The following ABCA6 variants were observed in gnomAD, a reference collection of about 807,000 sequenced individuals.
The protein encoded by ABCA6 is ATP binding cassette subfamily A member 6, also known as ATP-binding cassette sub-family A member 6.
A neutral mutation model predicts 191.2 loss-of-function variants in ABCA6; 164 were observed. The ratio of observed to expected loss-of-function variants is 0.86; its 90% CI spans 0.76 to 0.98. ABCA6 has a LOEUF of 0.98. Ranked by LOEUF, ABCA6 falls within the 50% of genes least tolerant of loss-of-function variation. The pLI is 0.00. For missense variants in ABCA6, 1,958 were observed against 1,894.1 expected, an observed-to-expected ratio of 1.03 and a Z score of -0.63; for synonymous variants, 636 against 647.7, an observed-to-expected ratio of 0.98 and a Z score of 0.27.
rs1020329545 is a variant in ABCA6 at position 69,110,485 on chromosome 17, C to A, written c.2272+316G>T. The A allele has an allele frequency of 1.2e-5, 3 of 246,444 alleles. No homozygotes were observed. In the South Asian group the frequency reaches 1.7e-4, roughly 14 times the overall value. 15.3% of individuals were successfully genotyped at this position (246,444 alleles called of 1,614,324 possible). A position where few individuals can be genotyped will look rare whatever the true frequency, so the allele number is the denominator to read the frequency against. ...CTTACTCACCCCTCTGGTGACAAAA[C>A]GCTGAGCCCACTTACTTCATTTATT... On this transcript the variant is annotated intron_variant, in intron 17 of 38. Coordinates refer to ENST00000284425, the MANE Select transcript of ABCA6 (RefSeq NM_080284.3).
At chr17:69,090,534 G>C (rs2072900794) in intron 26 of ABCA6, among the ~76,000 whole-genome samples, 1 of 152,170 alleles carries the variant, frequency 6.6e-6, no homozygotes, top group South Asian at 2.1e-4. Flanking sequence ...GCTGTGCCTT[G>C]TGTGTCCTCC....
intron 6 of ABCA6, among the ~76,000 whole-genome samples, chr17:69,132,725 C>A (rs1475366804): frequency 6.6e-6 from 1 of 152,176 alleles, no homozygotes; most frequent in East Asian, 1.9e-4. Context: ...GGTGATCCAC[C>A]CGCCTGGGCC....
intron 17 of ABCA6, 131 bp from the exon 18 acceptor site, chr17:69,107,943 T>G: frequency 1.6e-6 from 1 of 608,390 alleles, no homozygotes; most frequent in East Asian, 3.2e-5. Flanking sequence ...ATCACAGTAG[T>G]CAAAAGCAAA....
chr17:69,093,309 T>G (rs1469363168), intron 25 of ABCA6, among the ~76,000 whole-genome samples: 1 of 152,170 alleles, frequency 6.6e-6, no homozygotes, highest in African/African-American at 2.4e-5. Context: ...GAATTTAAGT[T>G]GCGCACCCCC....
chr17:69,124,620 C>G (rs1186785243), intron 9 of ABCA6, among the ~76,000 whole-genome samples: 1 of 151,772 alleles, frequency 6.6e-6, no homozygotes, highest in African/African-American at 2.4e-5. Flanking sequence ...GAAAACCTAA[C>G]ATTATTTAAT....
At chr17:69,136,601 G>T (rs1388748439) in intron 3 of ABCA6, among the ~76,000 whole-genome samples, 1 of 152,158 alleles carries the variant, frequency 6.6e-6, no homozygotes, top group Admixed American at 6.6e-5. Context: ...CCTTATTTCA[G>T]ATTTACTGAA....
chr17:69,115,495 A>AGAACAAATTGT lies in ABCA6; in HGVS notation c.1496-20_1496-10dup, dbSNP rs2073521177. On this transcript the variant is annotated splice_polypyrimidine_tract_variant and intron_variant, in intron 11 of 38. Coordinates refer to ENST00000284425, the MANE Select transcript of ABCA6 (RefSeq NM_080284.3). ...TATGTCAAAGAGCAAGCCTATTTTT[A>AGAACAAATTGT]GAACAAATTGTTAACAAATTATTAA... The AGAACAAATTGT allele has an allele frequency of 1.3e-6, 2 of 1,599,786 alleles. No individual in the cohort carries two copies. Among genetic ancestry groups the AGAACAAATTGT allele is most frequent in the Non-Finnish European group, 8.5e-7 (1 of 1,171,978 alleles).
intron 36 of ABCA6, among the ~76,000 whole-genome samples, chr17:69,081,991 C>T (rs2072646689): frequency 6.6e-6 from 1 of 152,164 alleles, no homozygotes; most frequent in Non-Finnish European, 1.5e-5. Context: ...TATTCCCAAA[C>T]AGGGGTTTGG....
chr17:69,121,785 T>G (rs1362094762), intron 10 of ABCA6, among the ~76,000 whole-genome samples: 2 of 152,066 alleles, frequency 1.3e-5, no homozygotes, highest in Non-Finnish European at 2.9e-5. Context: ...TATTATTTTG[T>G]GCCCTCAACT....
intron 15 of ABCA6, chr17:69,112,922 A>G (rs970129954): frequency 9.8e-6 from 2 of 203,864 alleles, no homozygotes; most frequent in Non-Finnish European, 1.9e-5. Context: ...CTCTGATGCT[A>G]AAGAATAAGT....
intron 20 of ABCA6, chr17:69,104,976 TC>T (rs766524325): frequency 5.0e-5 from 8 of 160,774 alleles, no homozygotes; most frequent in Non-Finnish European, 1.1e-4. Context: ...CAAGACTCTG[TC>T]TCAAAACAAA....
At chr17:69,108,015 A>G in intron 17 of ABCA6, 1 of 479,138 alleles carries the variant, frequency 2.1e-6, no homozygotes, top group Non-Finnish European at 3.7e-6. Flanking sequence ...TCCATCCTCA[A>G]ACTGTCTCAC....
intron 2 of ABCA6, among the ~76,000 whole-genome samples, chr17:69,138,571 T>C (rs1364965099): frequency 6.6e-6 from 1 of 151,814 alleles, no homozygotes; most frequent in Non-Finnish European, 1.5e-5. Context: ...CCAATGACTT[T>C]CTTCACAGAA....
At chr17:69,140,129 A>C (rs1332493625) in intron 2 of ABCA6, among the ~76,000 whole-genome samples, 1 of 152,010 alleles carries the variant, frequency 6.6e-6, no homozygotes, top group Non-Finnish European at 1.5e-5. Context: ...AAAAAAATAA[A>C]CATTTGCTGT....
At position 69,113,377 on chromosome 17, in the gene ABCA6, T is replaced by C; in HGVS notation, c.1903-17A>G. The C allele has an allele frequency of 1.3e-6, 2 of 1,580,462 alleles. No individual in the cohort carries two copies. Among genetic ancestry groups the C allele is most frequent in the Non-Finnish European group, 1.7e-6 (2 of 1,169,148 alleles). On this transcript the variant is annotated splice_polypyrimidine_tract_variant and intron_variant, in intron 14 of 38. Coordinates refer to ENST00000284425, the MANE Select transcript of ABCA6 (RefSeq NM_080284.3). ...AAGCAAAATCTACAGAGAATGAAGATATATAAAATATGTCTCTCTTTCACA... is the reference window on the plus strand; with the variant it reads ...AAGCAAAATCTACAGAGAATGAAGACATATAAAATATGTCTCTCTTTCACA...
At chr17:69,136,041 T>G in intron 4 of ABCA6, 51 bp downstream of exon 4, 1 of 1,547,920 alleles carries the variant, frequency 6.5e-7, no homozygotes, top group Non-Finnish European at 8.9e-7. Flanking sequence ...CTCTGTTCTT[T>G]ATGTTGAAAA....
intron 29 of ABCA6, 45 bp from the exon 30 acceptor site, chr17:69,086,780 T>C: frequency 2.2e-6 from 3 of 1,351,902 alleles, no homozygotes; most frequent in Non-Finnish European, 3.1e-6. Context: ...TTTCAGAGAC[T>C]TTAGGTCTCT....
In ABCA6 at chr17:69,083,144, G is replaced by A. The variant is rs112717225; in HGVS notation, c.4475+68C>T. On this transcript the variant is annotated intron_variant, in intron 35 of 38. Transcript: ENST00000284425. ...ACGGAAGGGCTCCAGCCACACACAGGGATTTTTGCCCTTTCCATGGGAAAT... is the reference window on the plus strand; with the variant it reads ...ACGGAAGGGCTCCAGCCACACACAGAGATTTTTGCCCTTTCCATGGGAAAT... 1.7e-5 allele frequency: 27 copies of A among 1,562,140 alleles called. No homozygotes were observed. In the Middle Eastern group the frequency reaches 5.2e-4, roughly 30 times the overall value.
rs760969310 is a variant in ABCA6, at chr17:69,081,139, G to C, written c.4623C>G (p.Ser1541=). The change falls in exon 37 of 39, where the codon TCC becomes TCG. Residue 1541 remains serine (S), a synonymous_variant. Transcript: ENST00000284425. ...CGGGCAGCTTATAGGTTAACAAAGA[G>C]GAATACCTGAAAACAGGAAGATGTC... ...FPQAAGQERY[S]SLLTYKLPVA... 1 of 1,585,442 alleles carries C rather than the reference G, an allele frequency of 6.3e-7. No homozygotes were observed. Among genetic ancestry groups the C allele is most frequent in the Admixed American group, 1.8e-5 (1 of 56,668 alleles).
Sources: allele counts gnomAD v4.1 joint callset (sites outside exome capture counted in the v4.1 genomes callset), GRCh38; gene constraint gnomAD v4.1.1; transcripts MANE v1.5; gene names NCBI Gene and HGNC (gene_info 2026-07-23, HGNC 2026-07-21).